Variants in ANO1 observed in about 807,000 individuals in gnomAD.
ANO1 encodes the protein anoctamin-1.
Under a neutral mutation model 124.0 loss-of-function variants are expected in ANO1, and 59 were observed. The ratio of observed to expected loss-of-function variants is 0.48; its 90% CI spans 0.39 to 0.59. ANO1 has a LOEUF of 0.59. ANO1 is among the 20% of genes least tolerant of loss of function. The pLI, the probability that ANO1 is intolerant of heterozygous loss-of-function variation, is 0.00. For synonymous variants in ANO1, 529 were observed against 532.0 expected (o/e 0.99, Z 0.08); for missense variants, 1,059 against 1,328.0 (o/e 0.80, Z 3.15).
intron 1 of ANO1, among the ~76,000 whole-genome samples, chr11:70,057,640 AG>A (rs1280585711): frequency 2.0e-5 from 3 of 152,104 alleles, no homozygotes; most frequent in African/African-American, 7.2e-5. Context: ...AGGTGCTCAG[AG>A]GGGAGATCAT....
At chr11:70,093,029 C>A (rs1045050588) in intron 2 of ANO1, among the ~76,000 whole-genome samples, 10 of 151,826 alleles carry the variant, frequency 6.6e-5, no homozygotes, top group Non-Finnish European at 1.5e-4. Flanking sequence ...CTCCCTTTCT[C>A]TCTGTCCTCC....
At chr11:69,970,379 C>A in the ANO1 span, among the ~76,000 whole-genome samples, 22 of 152,346 alleles carry the variant, frequency 1.4e-4, no homozygotes, top group South Asian at 4.1e-3. Flanking sequence ...CAGAGCTGAG[C>A]TGACAGCACC....
chr11:70,097,599 A>G (rs911925741), intron 2 of ANO1, among the ~76,000 whole-genome samples: 2 of 152,176 alleles, frequency 1.3e-5, no homozygotes, highest in Non-Finnish European at 2.9e-5. Context: ...ATTCCTCCAC[A>G]TCTACTGTTC....
intron 1 of ANO1, among the ~76,000 whole-genome samples, chr11:70,050,463 A>G (rs1313759279): frequency 6.6e-6 from 1 of 152,122 alleles, no homozygotes; most frequent in African/African-American, 2.4e-5. Context: ...TCCCAAGCCC[A>G]GCCCTATGGC....
intron 1 of ANO1, among the ~76,000 whole-genome samples, chr11:70,067,608 A>G (rs907837487): frequency 3.4e-4 from 52 of 152,202 alleles, no homozygotes; most frequent in African/African-American, 1.3e-3. Flanking sequence ...GATTACAGGC[A>G]TGAGCCGCCG....
chr11:70,039,006 C>T (rs573796510), intron 1 of ANO1, among the ~76,000 whole-genome samples: 1 of 152,252 alleles, frequency 6.6e-6, no homozygotes, highest in South Asian at 2.1e-4. Flanking sequence ...AAAAAGGATA[C>T]AGGCAAGATA....
Position 70,062,152 on chromosome 11 carries a change from C to G in ANO1, c.59-16390C>G, listed in dbSNP as rs1193744852. ...AGTGCAATGGTGCAATCTTGGCTCACTGCAACCTCTGCCTCTGAGGTTCAA... is the reference window on the plus strand; with the variant it reads ...AGTGCAATGGTGCAATCTTGGCTCAGTGCAACCTCTGCCTCTGAGGTTCAA... On this transcript the variant is annotated intron_variant, in intron 1 of 27. Coordinates refer to the ANO1 transcript ENST00000531349. Among the ~76,000 whole-genome samples, 7 of 129,394 alleles carry G rather than the reference C, an allele frequency of 5.4e-5. No homozygotes were observed. The South Asian group carries it at 1.9e-3, about 34-fold the overall frequency. 84.9% of individuals were successfully genotyped at this position (129,394 alleles called of 152,430 possible).
intron 1 of ANO1, among the ~76,000 whole-genome samples, chr11:70,071,228 A>C (rs185501280): frequency 1.3e-5 from 2 of 152,216 alleles, no homozygotes; most frequent in African/African-American, 4.8e-5. Context: ...GTTTCTCTAC[A>C]TGTGTGCTGT....
chr11:69,973,333 A>T, the ANO1 span, among the ~76,000 whole-genome samples: 1 of 152,294 alleles, frequency 6.6e-6, no homozygotes, highest in Middle Eastern at 3.4e-3. Context: ...AAAAGCAGAG[A>T]CTTTTTCAAA....
chr11:70,083,002 G>T (rs2044248995), intron 1 of ANO1, among the ~76,000 whole-genome samples: 1 of 152,134 alleles, frequency 6.6e-6, no homozygotes, highest in Admixed American at 6.5e-5. Flanking sequence ...CAGGCGCTGG[G>T]ACTCCCACAC....
At chr11:70,186,863 G>C (rs2049147608) in intron 25 of ANO1, among the ~76,000 whole-genome samples, 1 of 152,228 alleles carries the variant, frequency 6.6e-6, no homozygotes, top group Non-Finnish European at 1.5e-5. Flanking sequence ...GCTTTTCACA[G>C]CAAGCAGTGC....
intron 2 of ANO1, among the ~76,000 whole-genome samples, chr11:70,093,745 C>T (rs932935724): frequency 1.3e-5 from 2 of 152,248 alleles, no homozygotes; most frequent in Non-Finnish European, 2.9e-5. Context: ...AGCATCTGTT[C>T]GCCATCTTCA....
intron 1 of ANO1, chr11:70,085,324 T>G (rs2044329699): frequency 2.6e-6 from 2 of 781,148 alleles, no homozygotes; most frequent in Non-Finnish European, 3.6e-6. Flanking sequence ...CCCTTCCCCC[T>G]GAGCCCTCCC....
chr11:69,966,731 C>A, the ANO1 span, among the ~76,000 whole-genome samples: 3 of 152,178 alleles, frequency 2.0e-5, no homozygotes, highest in Admixed American at 6.5e-5. Flanking sequence ...GCAGAACACC[C>A]AGCCTGCCCC....
At chr11:70,146,621 C>CCCACAATA (rs1403928750) in intron 11 of ANO1, among the ~76,000 whole-genome samples, 16 of 152,058 alleles carry the variant, frequency 1.1e-4, no homozygotes, top group African/African-American at 3.6e-4. Context: ...AAGGTCAAGC[C>CCCACAATA]CCACAATAGG....
Position 70,132,089 on chromosome 11 carries a change from G to A in ANO1, c.1258+10G>A. 1.3e-6 allele frequency: 2 copies of A among 1,578,060 alleles called. No homozygotes were observed. Among genetic ancestry groups the A allele is most frequent in the Non-Finnish European group, 1.7e-6 (2 of 1,167,042 alleles). On this transcript the variant is annotated intron_variant, in intron 11 of 25. Transcript: ENST00000355303. ...TTCATGGCCCTCTGGGGTAAGCAGGGCTCCAGAGCACTGGGTTTTTGGGCA... is the reference window on the plus strand; with the variant it reads ...TTCATGGCCCTCTGGGGTAAGCAGGACTCCAGAGCACTGGGTTTTTGGGCA...
rs574936369 is a variant in ANO1, at chr11:70,080,391, T to C, written c.108+1677T>C. On this transcript the variant is annotated intron_variant, in intron 1 of 25. Transcript: ENST00000355303. Reference sequence around the variant, plus strand: ...AGGAGCTAATTCTACCCATAATGGGTAGGGACTGAGTCTTTCAAAAACATT... The same window carrying C: ...AGGAGCTAATTCTACCCATAATGGGCAGGGACTGAGTCTTTCAAAAACATT... 9.9e-5 allele frequency among the ~76,000 whole-genome samples: 15 copies of C among 152,272 alleles called. No homozygotes were observed. In the South Asian group the frequency reaches 2.9e-3, roughly 29 times the overall value.
chr11:70,139,796 C>T (rs1431137959), intron 11 of ANO1, among the ~76,000 whole-genome samples: 1 of 152,168 alleles, frequency 6.6e-6, no homozygotes, highest in African/African-American at 2.4e-5. Context: ...TTAAATGGTA[C>T]TTCTGTTTCA....
Position 70,184,706 on chromosome 11 carries a change from T to C in ANO1, c.2589-884T>C, listed in dbSNP as rs1316380472. On this transcript the variant is annotated intron_variant, in intron 24 of 25. Coordinates refer to ENST00000355303, the MANE Select transcript of ANO1 (RefSeq NM_018043.7). ...TGATAAACTGCTTAAGTTACTTTGA[T>C]AAAATGTTCAGGGTATTGTTTTGCT... 2.6e-5 allele frequency among the ~76,000 whole-genome samples: 4 copies of C among 152,234 alleles called. No homozygotes were observed. In the South Asian group the frequency reaches 6.2e-4, roughly 24 times the overall value.
Sources: allele counts gnomAD v4.1 joint callset (sites outside exome capture counted in the v4.1 genomes callset), GRCh38; gene constraint gnomAD v4.1.1; transcripts MANE v1.5; gene names NCBI Gene and HGNC (gene_info 2026-07-23, HGNC 2026-07-21).